Variants in SLC22A13 observed in about 807,000 individuals in gnomAD.
SLC22A13 encodes solute carrier family 22 member 13, also known as organic anion transporter 10.
A neutral mutation model predicts 49.1 loss-of-function variants in SLC22A13; 42 were observed. The observed-to-expected ratio is 0.85, with a 90% confidence interval of 0.67 to 1.11. The LOEUF (loss-of-function observed/expected upper bound fraction) is 1.11. Ranked by LOEUF, SLC22A13 falls within the 50% of genes least tolerant of loss-of-function variation. The pLI, the probability that SLC22A13 is intolerant of heterozygous loss-of-function variation, is 0.00. For missense variants in SLC22A13, 694 were observed against 712.8 expected (o/e 0.97, Z 0.30); for synonymous variants, 282 against 293.1 (o/e 0.96, Z 0.39).
intron 1 of SLC22A13, among the ~76,000 whole-genome samples, chr3:38,272,319 A>G (rs773430444): frequency 1.3e-5 from 2 of 152,232 alleles, no homozygotes; most frequent in Non-Finnish European, 2.9e-5. Context: ...GCACAGCCTC[A>G]CCCTACATAA....
chr3:38,276,860 G>A, intron 8 of SLC22A13, 52 bp from the exon 9 acceptor site: 1 of 1,496,350 alleles, frequency 6.7e-7, no homozygotes, highest in South Asian at 1.2e-5. Context: ...GGGTGAAGCT[G>A]AGGCCCAGAG....
chr3:38,265,885 G>A lies in SLC22A13; in HGVS notation c.25G>A (p.Ala9Thr). Reference protein sequence around the residue: MAQFVQVLAEIGDFGRFQI... With the variant: MAQFVQVLTEIGDFGRFQI... ...CATGGCTCAGTTTGTCCAGGTCCTG[G>A]CTGAAATAGGTGACTTTGGTCGCTT... Residue 9 changes from alanine to threonine, a missense_variant, in exon 1 of 10, where the codon GCT (alanine) becomes ACT (threonine). Transcript: ENST00000311856. The A allele has an allele frequency of 6.2e-7, 1 of 1,614,136 alleles. No homozygotes were observed. Among genetic ancestry groups the A allele is most frequent in the Non-Finnish European group, 8.5e-7 (1 of 1,180,012 alleles).
Position 38,277,691 on chromosome 3 carries a change from G to T in SLC22A13, c.*226G>T. ...CTCCTTCACCTTTCTCATCTCCAGA[G>T]CCCTGCCCCCAATACTCTGTCTGGG... On this transcript the variant is annotated 3_prime_UTR_variant, in exon 10 of 10. Transcript: ENST00000311856. The T allele has an allele frequency of 2.1e-6, 1 of 478,704 alleles. No homozygotes were observed. The allele number at this position is 478,704 out of a possible 1,614,324, so 29.7% of individuals were successfully genotyped here.
At chr3:38,271,571 GA>G (rs1703522955) in intron 1 of SLC22A13, among the ~76,000 whole-genome samples, 2 of 131,174 alleles carry the variant, frequency 1.5e-5, no homozygotes, top group Non-Finnish European at 3.2e-5. Context: ...AAAAAAAAAT[GA>G]CTCCCCTGTC....
At position 38,277,432 on chromosome 3, in the gene SLC22A13, G is replaced by A. The variant is rs148342295; in HGVS notation, c.1623G>A (p.Pro541=). The A allele has an allele frequency of 2.2e-4, 360 of 1,614,078 alleles. No homozygotes were observed. In the African/African-American group the frequency reaches 3.8e-3, roughly 17 times the overall value. Reference sequence around the variant, plus strand: ...AGGCCAAGGGAAGAACTTCCAGCCCGGGAGTGGCCTTTGTGAGCAGCACAT... The same window carrying A: ...AGGCCAAGGGAAGAACTTCCAGCCCAGGAGTGGCCTTTGTGAGCAGCACAT... ...ETEAKGRTSS[P]GVAFVSSTYF is the part of the protein sequence containing the mutation. The change falls in exon 10 of 10, where the codon CCG becomes CCA. Residue 541 remains proline, a synonymous_variant. Transcript: ENST00000311856.
chr3:38,277,345 C>G, intron 9 of SLC22A13, 27 bp from the exon 10 acceptor site: 1 of 1,557,846 alleles, frequency 6.4e-7, no homozygotes, highest in South Asian at 1.1e-5. Context: ...TCCTGGGCAG[C>G]CAATGACAGC....
intron 1 of SLC22A13, among the ~76,000 whole-genome samples, chr3:38,268,754 G>T (rs1703488500): frequency 6.6e-6 from 1 of 152,176 alleles, no homozygotes; most frequent in South Asian, 2.1e-4. Flanking sequence ...ACCCAAGGGT[G>T]GAGAGAAAAG....
chr3:38,274,535 C>A, intron 2 of SLC22A13, 69 bp from the exon 3 acceptor site: 2 of 1,554,906 alleles, frequency 1.3e-6, no homozygotes, highest in Non-Finnish European at 1.8e-6. Context: ...GGGCTGGGCC[C>A]CCTTGCGGCC....
At chr3:38,275,719 C>T in intron 6 of SLC22A13, 47 bp downstream of exon 6, 1 of 1,584,630 alleles carries the variant, frequency 6.3e-7, no homozygotes, top group Non-Finnish European at 8.6e-7. Flanking sequence ...TGCAGCCTCC[C>T]TGGTGTGTGT....
At chr3:38,275,802 G>T in intron 6 of SLC22A13, 80 bp from the exon 7 acceptor site, 1 of 1,508,220 alleles carries the variant, frequency 6.6e-7, no homozygotes, top group East Asian at 2.3e-5. Context: ...CCCCTGCTGT[G>T]ACTGCTGACC....
In SLC22A13 at chr3:38,277,071, G is replaced by A. The variant is rs1065182; in HGVS notation, c.1506G>A (p.Thr502=). The change falls in exon 9 of 10, where the codon ACG becomes ACA. Residue 502 remains threonine, a synonymous_variant. Transcript: ENST00000311856. ...TGCTGTGCACCCTGCTGCCAGAGAC[G>A]CATGGCCAGGGCCTGAAAGACACCC... ...AGLLCTLLPE[T]HGQGLKDTLQ... The A allele has an allele frequency of 1.8e-5, 28 of 1,586,054 alleles. No homozygotes were observed. Among genetic ancestry groups the A allele is most frequent in the Admixed American group, 3.6e-5 (2 of 55,758 alleles).
In SLC22A13 at chr3:38,275,566, T is replaced by C. The variant is rs1230856071; in HGVS notation, c.928-12T>C. 3.7e-6 allele frequency: 6 copies of C among 1,613,966 alleles called. No individual in the cohort carries two copies. The highest frequency in any genetic ancestry group is 5.1e-6 in the Non-Finnish European group (6 of 1,179,948). ...TTCCTGCCTGGCTTCTCACTCTGCT[T>C]CTTCCTCCCAGCTGGTCCCAGAGAA... On this transcript the variant is annotated splice_polypyrimidine_tract_variant and intron_variant, in intron 5 of 9. Transcript: ENST00000311856.
At chr3:38,276,132 C>A in intron 7 of SLC22A13, 36 bp downstream of exon 7, 1 of 1,572,768 alleles carries the variant, frequency 6.4e-7, no homozygotes. Flanking sequence ...CGCATGCCCC[C>A]TCACCCACCG....
rs753947532 is a variant in SLC22A13, at chr3:38,274,240, C to T, written c.379-32C>T. The T allele has an allele frequency of 6.5e-6, 10 of 1,530,870 alleles. No homozygotes were observed. In the East Asian group the frequency reaches 2.2e-4, roughly 34 times the overall value. The allele number at this position is 1,530,870 out of a possible 1,614,324, so 94.8% of individuals were successfully genotyped here. ...TGTAGGGCTTGCCCTCCTTGCAGCC[C>T]CTGGACTCACATCTGCCTGTGTCTC... is the stretch of plus-strand genomic sequence containing the variant. On this transcript the variant is annotated intron_variant, in intron 1 of 9. Coordinates refer to ENST00000311856, the MANE Select transcript of SLC22A13 (RefSeq NM_004256.4).
In SLC22A13 at chr3:38,277,671, T is replaced by G; in HGVS notation, c.*206T>G. Reference sequence around the variant, plus strand: ...CTGAGACAGGACCTCCCGGCCTCCTTCACCTTTCTCATCTCCAGAGCCCTG... The same window carrying G: ...CTGAGACAGGACCTCCCGGCCTCCTGCACCTTTCTCATCTCCAGAGCCCTG... On this transcript the variant is annotated 3_prime_UTR_variant, in exon 10 of 10. Transcript: ENST00000311856. 1 of 502,384 alleles carries G rather than the reference T, an allele frequency of 2.0e-6. No individual in the cohort carries two copies. Among genetic ancestry groups the G allele is most frequent in the Non-Finnish European group, 3.6e-6 (1 of 280,174 alleles). 31.1% of individuals were successfully genotyped at this position (502,384 alleles called of 1,614,324 possible).
chr3:38,274,857 C>T, intron 3 of SLC22A13, 99 bp downstream of exon 3: 1 of 1,533,708 alleles, frequency 6.5e-7, no homozygotes, highest in South Asian at 1.2e-5. Flanking sequence ...TTTCAGGTAC[C>T]CCACATCTGA....
chr3:38,269,184 A>G (rs1176227431), intron 1 of SLC22A13, among the ~76,000 whole-genome samples: 1 of 152,208 alleles, frequency 6.6e-6, no homozygotes, highest in Non-Finnish European at 1.5e-5. Flanking sequence ...GAAGGGAACC[A>G]TACCTATGAG....
Position 38,276,914 on chromosome 3 carries a change from A to G in SLC22A13, c.1349A>G (p.Gln450Arg). Residue 450 changes from glutamine (Q) to arginine (R), a missense_variant and splice_region_variant, in exon 9 of 10, where the codon CAG becomes CGG. By Grantham distance (43) the Gln-to-Arg change is conservative (BLOSUM62 1). Coordinates refer to ENST00000311856, the MANE Select transcript of SLC22A13 (RefSeq NM_004256.4). ...SAELFPTILRQTGMGLVGIFS... is the reference protein window; with the variant it reads ...SAELFPTILRRTGMGLVGIFS... ...AGCTTGCCCTGGTCTTCCCCCAGGC[A>G]GACAGGCATGGGGCTGGTGGGCATC... 1 of 1,613,322 alleles carries G rather than the reference A, an allele frequency of 6.2e-7. No homozygotes were observed. Among genetic ancestry groups the G allele is most frequent in the Non-Finnish European group, 8.5e-7 (1 of 1,179,710 alleles).
intron 1 of SLC22A13, among the ~76,000 whole-genome samples, chr3:38,267,954 G>A (rs1703480644): frequency 6.6e-6 from 1 of 152,174 alleles, no homozygotes; most frequent in African/African-American, 2.4e-5. Flanking sequence ...GCCTGCAATG[G>A]GGTCAGGGTG....
Sources: allele counts gnomAD v4.1 joint callset (sites outside exome capture counted in the v4.1 genomes callset), GRCh38; gene constraint gnomAD v4.1.1; transcripts MANE v1.5; gene names NCBI Gene and HGNC (gene_info 2026-07-23, HGNC 2026-07-21).